NAA16: variants seen among roughly 807,000 people sequenced by gnomAD.
The protein encoded by NAA16 is N-alpha-acetyltransferase 16, NatA auxiliary subunit.
In NAA16, 97 loss-of-function variants were observed where a neutral mutation model predicts 110.3. The ratio of observed to expected loss-of-function variants is 0.88; its 90% CI spans 0.75 to 1.04. The LOEUF (loss-of-function observed/expected upper bound fraction) is 1.04, where lower values mean the gene tolerates loss of function less well. Ranked by LOEUF, NAA16 falls within the 50% of genes least tolerant of loss-of-function variation. The probability of loss-of-function intolerance (pLI) is 0.00; values close to 1 mark genes in which losing one functional copy is unlikely to be tolerated. For synonymous variants in NAA16, 372 were observed against 330.6 expected, an observed-to-expected ratio of 1.13 and a Z score of -1.36; for missense variants, 1,017 against 1,005.1, an observed-to-expected ratio of 1.01 and a Z score of -0.16.
chr13:41,343,593 C>T (rs1405121532), intron 9 of NAA16, among the ~76,000 whole-genome samples: 1 of 152,132 alleles, frequency 6.6e-6, no homozygotes, highest in African/African-American at 2.4e-5. Context: ...TGCAGTGGCA[C>T]CATCTCGGCT....
chr13:41,348,778 C>A (rs960572817), intron 9 of NAA16, among the ~76,000 whole-genome samples: 7 of 152,024 alleles, frequency 4.6e-5, no homozygotes, highest in African/African-American at 1.7e-4. Context: ...GTCATATGGG[C>A]CTGGACTTTT....
At chr13:41,319,418 G>T (rs1311977885) in intron 3 of NAA16, among the ~76,000 whole-genome samples, 1 of 152,094 alleles carries the variant, frequency 6.6e-6, no homozygotes, top group Non-Finnish European at 1.5e-5. Context: ...ATTGGTTCTT[G>T]AGCTTGGTTT....
Position 41,358,550 on chromosome 13 carries a change from G to A in NAA16, c.1257+77G>A, listed in dbSNP as rs933515433. 4 of 1,568,250 alleles carry A rather than the reference G, an allele frequency of 2.6e-6. No homozygotes were observed. The African/African-American group carries it at 4.1e-5, about 16-fold the overall frequency. ...GAATCCTTGGAGTTTTTTCTTTGTG[G>A]AAACAAGTTCTAGGGCACCCTGATA... On this transcript the variant is annotated intron_variant, in intron 11 of 19. Transcript: ENST00000379406.
intron 6 of NAA16, among the ~76,000 whole-genome samples, chr13:41,326,144 A>G (rs1014005758): frequency 2.0e-5 from 3 of 152,166 alleles, no homozygotes; most frequent in African/African-American, 2.4e-5. Flanking sequence ...AGTATATTAC[A>G]CTGCCTTCAT....
intron 9 of NAA16, among the ~76,000 whole-genome samples, chr13:41,348,100 G>GT (rs545516736): frequency 4.6e-4 from 70 of 150,966 alleles, no homozygotes; most frequent in African/African-American, 1.2e-3. Flanking sequence ...GATTATGTAG[G>GT]TTTTTTTTTA....
chr13:41,315,721 A>G (rs150049150), intron 1 of NAA16, among the ~76,000 whole-genome samples: 48 of 152,298 alleles, frequency 3.2e-4, no homozygotes, highest in African/African-American at 1.1e-3. Context: ...TTGCGGTAGC[A>G]AAGGCTTTTA....
In NAA16 at chr13:41,375,397, T is replaced by A; in HGVS notation, c.2398-8T>A. 1.3e-6 allele frequency: 2 copies of A among 1,594,350 alleles called. No individual in the cohort carries two copies. The highest frequency in any genetic ancestry group is 1.7e-6 in the Non-Finnish European group (2 of 1,167,580). The stretch of plus-strand genomic sequence containing the variant: ...TAAATAATTTGTGTTTTCCTTTTGT[T>A]TCACTAGACATTAATAAAGGTTTCT... On this transcript the variant is annotated splice_region_variant and splice_polypyrimidine_tract_variant and intron_variant, in intron 19 of 19. Transcript: ENST00000379406.
chr13:41,356,672 T>G (rs1426711383), intron 10 of NAA16, among the ~76,000 whole-genome samples: 1 of 152,210 alleles, frequency 6.6e-6, no homozygotes, highest in Non-Finnish European at 1.5e-5. Flanking sequence ...TATATCTCCA[T>G]AAGTTGATGG....
intron 9 of NAA16, among the ~76,000 whole-genome samples, chr13:41,339,366 T>C (rs891426841): frequency 1.3e-5 from 2 of 152,112 alleles, no homozygotes; most frequent in African/African-American, 4.8e-5. Context: ...CTTGAACTCC[T>C]GACCTCAGGT....
intron 9 of NAA16, among the ~76,000 whole-genome samples, chr13:41,349,242 G>A (rs1438188124): frequency 6.6e-6 from 1 of 151,952 alleles, no homozygotes; most frequent in Non-Finnish European, 1.5e-5. Context: ...CTGGAGTGTA[G>A]TGGTGAGATT....
In NAA16 at chr13:41,350,249, C is replaced by G. The variant is rs1038246324; in HGVS notation, c.1015-4895C>G. On this transcript the variant is annotated intron_variant, in intron 9 of 19. Coordinates refer to ENST00000379406, the MANE Select transcript of NAA16 (RefSeq NM_024561.5). ...CTGCACTCCAGCCTGGGTAACACAG[C>G]GAGACCCTGTCTCCCCACTTCCCTG... is the stretch of plus-strand genomic sequence containing the variant. Among the ~76,000 whole-genome samples the G allele has an allele frequency of 2.6e-5, 4 of 151,214 alleles. No individual in the cohort carries two copies. In the East Asian group the frequency reaches 5.8e-4, roughly 22 times the overall value.
intron 13 of NAA16, among the ~76,000 whole-genome samples, chr13:41,364,296 G>C (rs1054824456): frequency 6.6e-6 from 1 of 152,082 alleles, no homozygotes; most frequent in African/African-American, 2.4e-5. Flanking sequence ...TTTGTTGAAG[G>C]CAGTTTCAGT....
At position 41,334,622 on chromosome 13, in the gene NAA16, T is replaced by C. The variant is rs78321101; in HGVS notation, c.908-2028T>C. 2.9e-3 allele frequency among the ~76,000 whole-genome samples: 444 copies of C among 152,224 alleles called. 3 individuals are homozygous for C. The highest frequency in any genetic ancestry group is 0.01 in the African/African-American group (421 of 41,556). On this transcript the variant is annotated intron_variant, in intron 8 of 19. Transcript: ENST00000379406. ...GCAGTAATACTAAACAGGCACATAA[T>C]AATTGATGGAAAAAATGAGATGGAT... is the stretch of plus-strand genomic sequence containing the variant.
intron 9 of NAA16, among the ~76,000 whole-genome samples, chr13:41,353,371 C>T (rs1341706475): frequency 6.6e-6 from 1 of 151,640 alleles, no homozygotes; most frequent in Non-Finnish European, 1.5e-5. Flanking sequence ...TGTCTGTTAA[C>T]TTTAATTTTG....
At chr13:41,321,901 C>T (rs1349672083) in intron 4 of NAA16, among the ~76,000 whole-genome samples, 1 of 152,178 alleles carries the variant, frequency 6.6e-6, no homozygotes, top group Admixed American at 6.5e-5. Context: ...TTTGCAGCCA[C>T]TTTAAGGGCT....
chr13:41,316,929 A>AGG lies in NAA16; in HGVS notation c.139_139+1dup. On this transcript the variant is annotated frameshift_variant and splice_region_variant, in exon 2 of 20. Transcript: ENST00000379406. LOFTEE classifies it high-confidence loss of function. ...CGAACCCAAAATTTGCTGAACATGG[A>AGG]GGTATTGTCTCATGTGAGAGATTGC... The AGG allele has an allele frequency of 6.2e-7, 1 of 1,606,620 alleles. No individual in the cohort carries two copies. The highest frequency in any genetic ancestry group is 8.5e-7 in the Non-Finnish European group (1 of 1,173,316).
intron 1 of NAA16, among the ~76,000 whole-genome samples, chr13:41,316,017 G>A (rs890123790): frequency 6.6e-6 from 1 of 152,096 alleles, no homozygotes; most frequent in Non-Finnish European, 1.5e-5. Context: ...CAGTCCTCTC[G>A]CCTTGGCCTC....
At chr13:41,357,933 A>G (rs1316188451) in intron 10 of NAA16, among the ~76,000 whole-genome samples, 2 of 152,196 alleles carry the variant, frequency 1.3e-5, no homozygotes, top group African/African-American at 2.4e-5. Flanking sequence ...CCTCTGCTGA[A>G]ATCTTGCAGT....
intron 8 of NAA16, among the ~76,000 whole-genome samples, chr13:41,335,101 T>A (rs1451803695): frequency 5.9e-5 from 9 of 152,196 alleles, no homozygotes; most frequent in Non-Finnish European, 1.3e-4. Context: ...CTGAGAAAGT[T>A]GACCAAGGAG....
Sources: allele counts gnomAD v4.1 joint callset (sites outside exome capture counted in the v4.1 genomes callset), GRCh38; gene constraint gnomAD v4.1.1; transcripts MANE v1.5; gene names NCBI Gene and HGNC (gene_info 2026-07-23, HGNC 2026-07-21).